RNF4: variants seen among roughly 807,000 people sequenced by gnomAD.
RNF4 encodes E3 ubiquitin-protein ligase RNF4.
A neutral mutation model predicts 24.3 loss-of-function variants in RNF4; 7 were observed. That is an observed-to-expected ratio of 0.29 (90% CI 0.16 to 0.54). RNF4 has a LOEUF of 0.54. RNF4 is among the 20% of genes least tolerant of loss of function. The pLI is 0.95. For synonymous variants in RNF4, 83 were observed against 84.3 expected, an observed-to-expected ratio of 0.98 and a Z score of 0.09; for missense variants, 209 against 248.5, an observed-to-expected ratio of 0.84 and a Z score of 1.07.
chr4:2,489,460 G>A (rs1183685415), intron 1 of RNF4, among the ~76,000 whole-genome samples: 1 of 152,178 alleles, frequency 6.6e-6, no homozygotes, highest in Non-Finnish European at 1.5e-5. Flanking sequence ...ACTTCAGTAC[G>A]TTCCATGGTG....
chr4:2,479,568 T>C (rs1735185636), intron 1 of RNF4, among the ~76,000 whole-genome samples: 1 of 152,176 alleles, frequency 6.6e-6, no homozygotes, highest in Non-Finnish European at 1.5e-5. Flanking sequence ...ACAAGCTCTC[T>C]TTGCCTGCCG....
chr4:2,512,583 C>T lies in RNF4; in HGVS notation c.360C>T (p.Gly120=), dbSNP rs1289361999. Residue 120 remains glycine, a synonymous_variant, in exon 6 of 8, where the codon GGC becomes GGT. Coordinates refer to ENST00000314289, the MANE Select transcript of RNF4 (RefSeq NM_002938.5). The surrounding 1 kb of genome is among the most constrained non-coding windows in gnomAD (Gnocchi z 4.1). Reference sequence around the variant, plus strand: ...CTCCCAGAAACGCCAGGGATGAGGGCGCTACAGGCCTCAGGTACCAACGTG... The same window carrying T: ...CTCCCAGAAACGCCAGGGATGAGGGTGCTACAGGCCTCAGGTACCAACGTG... ...THTPRNARDE[G]ATGLRPSGTV... 16 of 1,613,622 alleles carry T rather than the reference C, an allele frequency of 9.9e-6. No homozygotes were observed. The highest frequency in any genetic ancestry group is 2.2e-5 in the East Asian group (1 of 44,898).
chr4:2,483,261 C>G (rs567374060), intron 1 of RNF4, among the ~76,000 whole-genome samples: 1 of 152,274 alleles, frequency 6.6e-6, no homozygotes, highest in South Asian at 2.1e-4. Flanking sequence ...GTGCTAGGAA[C>G]CATACTGGGT....
chr4:2,501,742 G>A (rs1446947870), intron 4 of RNF4, among the ~76,000 whole-genome samples: 1 of 152,142 alleles, frequency 6.6e-6, no homozygotes, highest in Non-Finnish European at 1.5e-5. Flanking sequence ...TGTGGGGTGT[G>A]GGGGCTGCTA....
At chr4:2,492,308 T>C (rs1180437255) in intron 2 of RNF4, among the ~76,000 whole-genome samples, 1 of 152,044 alleles carries the variant, frequency 6.6e-6, no homozygotes, top group Non-Finnish European at 1.5e-5. Flanking sequence ...GCTCCCAGAG[T>C]GAGCGACAAT....
chr4:2,487,258 C>T (rs369081383), intron 1 of RNF4, among the ~76,000 whole-genome samples: 39 of 152,090 alleles, frequency 2.6e-4, no homozygotes, highest in African/African-American at 8.7e-4. Flanking sequence ...AAGTGTGCAC[C>T]GTCACATCTG....
chr4:2,512,477 A>C lies in RNF4; in HGVS notation c.254A>C (p.Gln85Pro). 6.2e-7 allele frequency: 1 copy of C among 1,613,642 alleles called. No individual in the cohort carries two copies. Among genetic ancestry groups the C allele is most frequent in the South Asian group, 1.1e-5 (1 of 91,022 alleles). ...RPRRNARRLP[Q>P]DHADSCVVSS... The stretch of plus-strand genomic sequence containing the variant: ...AGGAGGAATGCTAGGAGGCTGCCCC[A>C]GGACCATGCTGACAGCTGTGTGGTG... The change falls in exon 6 of 8, where the codon CAG (glutamine) becomes CCG (proline). Residue 85 changes from glutamine to proline, a missense_variant. Transcript: ENST00000314289. This position sits in a 1 kb window ranked among gnomAD's most constrained non-coding sequence, Gnocchi z 4.1.
rs184658866 is a variant in RNF4 at position 2,503,838 on chromosome 4, G to A, written c.204+3100G>A. On this transcript the variant is annotated intron_variant, in intron 4 of 7. Coordinates refer to ENST00000314289, the MANE Select transcript of RNF4 (RefSeq NM_002938.5). ...CTTACCAGTTCCGCCAGGACCTGTC[G>A]AATAGTTTGAGTGCACTGCTTTAGC... Among the ~76,000 whole-genome samples the A allele has an allele frequency of 3.0e-3, 460 of 152,244 alleles. 10 individuals carry two copies. The highest frequency in any genetic ancestry group is 0.01 in the African/African-American group (426 of 41,540).
At chr4:2,505,356 C>T (rs148774761) in intron 4 of RNF4, 4,045 of 146,938 alleles carry the variant, frequency 0.028, 76 homozygotes, top group East Asian at 0.097. Flanking sequence ...GATGGAGTCT[C>T]GCTCTGTTGC....
At chr4:2,477,401 A>G (rs71606401) in intron 1 of RNF4, among the ~76,000 whole-genome samples, 7,075 of 152,166 alleles carry the variant, frequency 0.046, 226 homozygotes, top group South Asian at 0.15. Flanking sequence ...TGTGGCCAAC[A>G]TAGTGAAACC....
intron 1 of RNF4, among the ~76,000 whole-genome samples, chr4:2,478,541 A>G (rs1456666597): frequency 2.0e-5 from 3 of 152,238 alleles, no homozygotes; most frequent in Non-Finnish European, 4.4e-5. Flanking sequence ...CCTGCGTTCC[A>G]GCCGTCTCAG....
chr4:2,481,415 C>T (rs557939511), intron 1 of RNF4, among the ~76,000 whole-genome samples: 1 of 152,188 alleles, frequency 6.6e-6, no homozygotes, highest in East Asian at 1.9e-4. Context: ...ATGTCCGTAA[C>T]TGCAAATGAA....
intron 4 of RNF4, among the ~76,000 whole-genome samples, chr4:2,507,638 G>A (rs1012631089): frequency 6.6e-6 from 1 of 152,100 alleles, no homozygotes; most frequent in East Asian, 1.9e-4. Context: ...CTGAGTGCAC[G>A]GGACCCAGTG....
chr4:2,515,071 CGA>C lies in RNF4; in HGVS notation c.*1258_*1259del, dbSNP rs1444167652. ...AGCACAGGGCCTGGGGGGTGGCTAA[CGA>C]GAGAGGCCTTACAGTGCCGGCATGC... On this transcript the variant is annotated 3_prime_UTR_variant, in exon 8 of 8. Transcript: ENST00000314289. 1.1e-4 allele frequency: 17 copies of C among 152,650 alleles called. No homozygotes were observed. The highest frequency in any genetic ancestry group is 1.1e-3 in the Admixed American group (17 of 15,290). The allele number at this position is 152,650 out of a possible 1,614,324, so 9.5% of individuals were successfully genotyped here. A position where few individuals can be genotyped will look rare whatever the true frequency, so the allele number is the denominator to read the frequency against.
At chr4:2,490,316 A>G in intron 1 of RNF4, 21 bp from the exon 2 acceptor site, 1 of 605,578 alleles carries the variant, frequency 1.7e-6, no homozygotes, top group Non-Finnish European at 2.9e-6. Context: ...TATTTATCAA[A>G]TTAATATCTT....
At chr4:2,499,254 G>T in intron 3 of RNF4, 1 of 448,416 alleles carries the variant, frequency 2.2e-6, no homozygotes, top group African/African-American at 2.0e-5. Context: ...GACCAATACT[G>T]TTTCTTAAAA....
intron 1 of RNF4, among the ~76,000 whole-genome samples, chr4:2,483,956 A>G (rs1053176566): frequency 2.7e-5 from 4 of 149,550 alleles, no homozygotes; most frequent in African/African-American, 7.4e-5. Context: ...GTTCCCGAGT[A>G]GCTGGGATTA....
At chr4:2,475,744 T>C (rs1735051285) in intron 1 of RNF4, among the ~76,000 whole-genome samples, 2 of 152,196 alleles carry the variant, frequency 1.3e-5, no homozygotes, top group Admixed American at 1.3e-4. Context: ...GTTGAGTGAT[T>C]CCCTACTTCT....
chr4:2,500,016 G>T (rs1312458718), intron 3 of RNF4, among the ~76,000 whole-genome samples: 1 of 152,084 alleles, frequency 6.6e-6, no homozygotes, highest in East Asian at 1.9e-4. Context: ...AAATTAGCCA[G>T]GCATGCTGCC....
Sources: allele counts gnomAD v4.1 joint callset (sites outside exome capture counted in the v4.1 genomes callset), GRCh38; gene constraint gnomAD v4.1.1; non-coding constraint Gnocchi (gnomAD v3.1); transcripts MANE v1.5; gene names NCBI Gene and HGNC (gene_info 2026-07-23, HGNC 2026-07-21).